DPYSL5: variants seen among roughly 807,000 people sequenced by gnomAD.
DPYSL5 encodes the protein dihydropyrimidinase like 5.
In DPYSL5, 9 loss-of-function variants were observed where a neutral mutation model predicts 58.4. That is an observed-to-expected ratio of 0.15 (90% CI 0.09 to 0.27). The LOEUF is 0.27. DPYSL5 is among the 10% of genes least tolerant of loss of function. DPYSL5 has a pLI of 1.00. For missense variants in DPYSL5, 499 were observed against 770.6 expected (o/e 0.65, Z 4.17); for synonymous variants, 293 against 301.9 (o/e 0.97, Z 0.31).
In DPYSL5 at chr2:26,877,009, C is replaced by T. The variant is rs1663428369; in HGVS notation, c.-4-21487C>T. Reference sequence around the variant, plus strand: ...GAGAACGAAGTCTCGCTCTTGTCCCCTGGCTGGAGTGCAATGGCGTGATCT... The same window carrying T: ...GAGAACGAAGTCTCGCTCTTGTCCCTTGGCTGGAGTGCAATGGCGTGATCT... On this transcript the variant is annotated intron_variant, in intron 1 of 12. Transcript: ENST00000288699. The surrounding 1 kb of genome is among the most constrained non-coding windows in gnomAD (Gnocchi z 4.1). Among the ~76,000 whole-genome samples, 1 of 146,166 alleles carries T rather than the reference C, an allele frequency of 6.8e-6. No individual in the cohort carries two copies. Among genetic ancestry groups the T allele is most frequent in the African/African-American group, 2.5e-5 (1 of 39,434 alleles).
chr2:26,937,377 G>C (rs2148171712), intron 8 of DPYSL5, among the ~76,000 whole-genome samples: 1 of 152,018 alleles, frequency 6.6e-6, no homozygotes, highest in East Asian at 1.9e-4. Flanking sequence ...ATAGGATTTG[G>C]AGCATAATTT....
intron 3 of DPYSL5, among the ~76,000 whole-genome samples, chr2:26,926,899 G>C (rs1664840845): frequency 1.3e-5 from 2 of 152,152 alleles, no homozygotes; most frequent in African/African-American, 4.8e-5. Flanking sequence ...GTAATGCCAG[G>C]CAACAGCCCA....
At chr2:26,930,944 A>C (rs1664955699) in intron 5 of DPYSL5, among the ~76,000 whole-genome samples, 3 of 150,654 alleles carry the variant, frequency 2.0e-5, no homozygotes, top group Admixed American at 2.0e-4. Context: ...ACTGCACTCC[A>C]GCCTGGGCGA....
intron 1 of DPYSL5, among the ~76,000 whole-genome samples, chr2:26,850,907 C>T (rs1299739130): frequency 6.6e-6 from 1 of 152,156 alleles, no homozygotes; most frequent in Non-Finnish European, 1.5e-5. Context: ...CTAGCTGGAA[C>T]ATTGCTCATT....
At chr2:26,919,670 T>G (rs1664656512) in intron 2 of DPYSL5, among the ~76,000 whole-genome samples, 1 of 152,200 alleles carries the variant, frequency 6.6e-6, no homozygotes, top group Non-Finnish European at 1.5e-5. Context: ...AAATGGGCAC[T>G]TTTGGTCAGC....
At chr2:26,893,853 G>A (rs551127210) in intron 1 of DPYSL5, among the ~76,000 whole-genome samples, 5 of 152,168 alleles carry the variant, frequency 3.3e-5, no homozygotes, top group East Asian at 1.9e-4. Flanking sequence ...AATTTACTGC[G>A]TATAAAAGTG....
At chr2:26,882,853 C>T (rs1310001002) in intron 1 of DPYSL5, among the ~76,000 whole-genome samples, 1 of 147,424 alleles carries the variant, frequency 6.8e-6, no homozygotes, top group Non-Finnish European at 1.5e-5. Flanking sequence ...GCAGAGGTTG[C>T]AGTGAGCCGA....
At chr2:26,896,689 A>C (rs1417310416) in intron 1 of DPYSL5, among the ~76,000 whole-genome samples, 1 of 152,224 alleles carries the variant, frequency 6.6e-6, no homozygotes, top group Non-Finnish European at 1.5e-5. Flanking sequence ...TCTTCTGAGA[A>C]ATGTCTATTC....
At chr2:26,912,625 T>G (rs560596028) in intron 2 of DPYSL5, among the ~76,000 whole-genome samples, 110 of 152,328 alleles carry the variant, frequency 7.2e-4, no homozygotes, top group Middle Eastern at 3.4e-3. Flanking sequence ...ACACAGCTCC[T>G]CTGAGGAGCC....
At chr2:26,941,030 G>A (rs1039190892) in intron 9 of DPYSL5, among the ~76,000 whole-genome samples, 11 of 151,376 alleles carry the variant, frequency 7.3e-5, no homozygotes, top group South Asian at 6.3e-4. Context: ...TCCGCCTCCC[G>A]GGTTCAAGCG....
At chr2:26,892,211 G>A (rs556853286) in intron 1 of DPYSL5, among the ~76,000 whole-genome samples, 1 of 152,274 alleles carries the variant, frequency 6.6e-6, no homozygotes, top group East Asian at 1.9e-4. Context: ...ATTCCTTAAA[G>A]TGAGGCTAAC....
intron 1 of DPYSL5, among the ~76,000 whole-genome samples, chr2:26,892,756 T>TGAGAGAGAGAGAGAGA (rs144430871): frequency 0.016 from 2,266 of 138,714 alleles, 44 homozygotes; most frequent in Middle Eastern, 0.025. Flanking sequence ...TGGGTTTGTT[T>TGAGAGAGAGAGAGAGA]GAGAGAGAGA....
chr2:26,861,575 T>C (rs780949739), intron 1 of DPYSL5, among the ~76,000 whole-genome samples: 8 of 152,166 alleles, frequency 5.3e-5, no homozygotes, highest in Admixed American at 2.6e-4. Context: ...GCAGAGAGAA[T>C]GGTGATTTTT....
Position 26,876,812 on chromosome 2 carries a change from G to A in DPYSL5, c.-4-21684G>A, listed in dbSNP as rs193005758. On this transcript the variant is annotated intron_variant, in intron 1 of 12. Transcript: ENST00000288699. ...ATTACAGGCGTGAGCCACCGCGCCC[G>A]GCCATGATGTCCAGATTAATGGTTG... Among the ~76,000 whole-genome samples, 20 of 152,150 alleles carry A rather than the reference G, an allele frequency of 1.3e-4. No individual in the cohort carries two copies. The East Asian group carries it at 1.6e-3, about 12-fold the overall frequency.
rs956063550 is a variant in DPYSL5, at chr2:26,905,992, T to C, written c.261+7232T>C. On this transcript the variant is annotated intron_variant, in intron 2 of 12. Coordinates refer to ENST00000288699, the MANE Select transcript of DPYSL5 (RefSeq NM_020134.4). This position sits in a 1 kb window ranked among gnomAD's most constrained non-coding sequence, Gnocchi z 4.0. ...TGTAGTTGTGGCAGAATTCCATTTC[T>C]TGGAGTTCAAGGACTGAGGTCCCTG... 1.3e-5 allele frequency among the ~76,000 whole-genome samples: 2 copies of C among 152,044 alleles called. No homozygotes were observed. The highest frequency in any genetic ancestry group is 2.9e-5 in the Non-Finnish European group (2 of 68,008).
intron 2 of DPYSL5, among the ~76,000 whole-genome samples, chr2:26,921,269 C>T (rs554845098): frequency 1.8e-4 from 28 of 152,256 alleles, no homozygotes; most frequent in African/African-American, 4.6e-4. Flanking sequence ...TTTGGGAGGT[C>T]GAGGTGGATC....
chr2:26,890,203 C>T (rs1341274458), intron 1 of DPYSL5, among the ~76,000 whole-genome samples: 1 of 152,194 alleles, frequency 6.6e-6, no homozygotes, highest in African/African-American at 2.4e-5. Flanking sequence ...GTCCCCTTTA[C>T]ACTTCAGTCA....
chr2:26,911,782 G>T (rs747033070), intron 2 of DPYSL5, among the ~76,000 whole-genome samples: 2 of 152,118 alleles, frequency 1.3e-5, no homozygotes, highest in Non-Finnish European at 2.9e-5. Flanking sequence ...TTACCGTCAG[G>T]CCTGGGCTGG....
At chr2:26,936,598 A>G (rs1169755677) in intron 8 of DPYSL5, among the ~76,000 whole-genome samples, 2 of 152,196 alleles carry the variant, frequency 1.3e-5, no homozygotes, top group Non-Finnish European at 2.9e-5. Context: ...TACATTATGT[A>G]AATAAATATG....
Sources: allele counts gnomAD v4.1 joint callset (sites outside exome capture counted in the v4.1 genomes callset), GRCh38; gene constraint gnomAD v4.1.1; non-coding constraint Gnocchi (gnomAD v3.1); transcripts MANE v1.5; gene names NCBI Gene and HGNC (gene_info 2026-07-23, HGNC 2026-07-21).